EYS: variants seen among roughly 807,000 people sequenced by gnomAD.
EYS encodes protein eyes shut homolog.
In EYS, 250 loss-of-function variants were observed where a neutral mutation model predicts 282.1. The ratio of observed to expected loss-of-function variants is 0.89; its 90% CI spans 0.80 to 0.98. EYS has a LOEUF of 0.98. EYS is among the 50% of genes least tolerant of loss of function. The pLI, the probability that EYS is intolerant of heterozygous loss-of-function variation, is 0.00. For synonymous variants in EYS, 1,355 were observed against 1,282.9 expected (o/e 1.06, Z -1.20); for missense variants, 4,016 against 3,709.0 (o/e 1.08, Z -2.15).
chr6:64,357,299 CA>C (rs1312829114), intron 29 of EYS, among the ~76,000 whole-genome samples: 1 of 145,680 alleles, frequency 6.9e-6, no homozygotes, highest in Non-Finnish European at 1.5e-5. Flanking sequence ...TAAACAATAA[CA>C]ACAACTGTGT....
intron 29 of EYS, among the ~76,000 whole-genome samples, chr6:64,376,014 C>A (rs610848): frequency 0.72 from 109,065 of 151,992 alleles, 39,325 homozygotes; most frequent in African/African-American, 0.79. Flanking sequence ...CCTGCTATTC[C>A]ATAAAAAAAT....
chr6:64,718,899 C>T (rs1312179029), intron 22 of EYS, among the ~76,000 whole-genome samples: 8 of 152,134 alleles, frequency 5.3e-5, no homozygotes, highest in African/African-American at 1.4e-4. Context: ...TTGTGTTACA[C>T]GGAAAAGTGG....
At chr6:64,923,403 G>C (rs895302710) in intron 15 of EYS, among the ~76,000 whole-genome samples, 1 of 152,094 alleles carries the variant, frequency 6.6e-6, no homozygotes, top group African/African-American at 2.4e-5. Context: ...TGGGAATTCT[G>C]GGATATACAA....
intron 8 of EYS, among the ~76,000 whole-genome samples, chr6:65,361,200 G>A (rs1437113897): frequency 4.6e-5 from 7 of 151,952 alleles, no homozygotes; most frequent in African/African-American, 1.2e-4. Context: ...ATCACACACC[G>A]GGGCCTGTTG....
intron 12 of EYS, among the ~76,000 whole-genome samples, chr6:65,243,889 A>G (rs1417118339): frequency 6.6e-6 from 1 of 152,174 alleles, no homozygotes; most frequent in African/African-American, 2.4e-5. Context: ...AGCCTAGGTG[A>G]CTAAGAATCT....
At chr6:65,292,339 G>A (rs778530088) in intron 12 of EYS, among the ~76,000 whole-genome samples, 23 of 151,802 alleles carry the variant, frequency 1.5e-4, no homozygotes, top group Admixed American at 1.1e-3. Flanking sequence ...GGTCTTAACA[G>A]AATTGGTGAT....
chr6:64,890,379 TA>T (rs1319660525), intron 18 of EYS, among the ~76,000 whole-genome samples: 1 of 152,132 alleles, frequency 6.6e-6, no homozygotes, highest in Non-Finnish European at 1.5e-5. Flanking sequence ...AAATCCCTAA[TA>T]AAAACTTGCT....
intron 41 of EYS, among the ~76,000 whole-genome samples, chr6:63,737,300 G>A (rs1352811753): frequency 2.6e-5 from 4 of 151,190 alleles, no homozygotes; most frequent in Non-Finnish European, 5.9e-5. Flanking sequence ...AGCATGAAGT[G>A]TTGTTGAATT....
intron 5 of EYS, among the ~76,000 whole-genome samples, chr6:65,434,634 T>G (rs1768007750): frequency 6.6e-6 from 1 of 152,096 alleles, no homozygotes; most frequent in Non-Finnish European, 1.5e-5. Flanking sequence ...AATTTTTAAA[T>G]AAGGAAAATT....
intron 22 of EYS, among the ~76,000 whole-genome samples, chr6:64,629,142 C>T (rs774718732): frequency 6.6e-6 from 1 of 152,016 alleles, no homozygotes; most frequent in Non-Finnish European, 1.5e-5. Flanking sequence ...TTGATGACTT[C>T]GACTGTTTTG....
intron 26 of EYS, among the ~76,000 whole-genome samples, chr6:64,449,912 G>T (rs963884651): frequency 2.6e-5 from 4 of 152,098 alleles, no homozygotes; most frequent in Non-Finnish European, 4.4e-5. Context: ...ATGCCAAATT[G>T]TAAAGACCGT....
chr6:64,524,139 A>C (rs1777843908), intron 26 of EYS, among the ~76,000 whole-genome samples: 1 of 151,722 alleles, frequency 6.6e-6, no homozygotes, highest in Admixed American at 6.6e-5. Context: ...ATCTTCTTTC[A>C]ATTTGTAGAT....
intron 26 of EYS, among the ~76,000 whole-genome samples, chr6:64,585,273 C>T (rs1766200512): frequency 6.6e-6 from 1 of 151,966 alleles, no homozygotes. Flanking sequence ...ACAGTGAGTA[C>T]CTATGGACAT....
intron 1 of EYS, among the ~76,000 whole-genome samples, chr6:65,702,509 C>A (rs1002008828): frequency 2.6e-5 from 4 of 151,944 alleles, no homozygotes; most frequent in African/African-American, 9.7e-5. Context: ...CTAGCCAACA[C>A]GGTGAAAGCT....
At chr6:63,922,655 T>G (rs1764605972) in intron 35 of EYS, among the ~76,000 whole-genome samples, 1 of 152,158 alleles carries the variant, frequency 6.6e-6, no homozygotes, top group Non-Finnish European at 1.5e-5. Flanking sequence ...AAAATAAAAA[T>G]GTAACTTCTC....
intron 12 of EYS, among the ~76,000 whole-genome samples, chr6:65,182,433 T>G (rs1319657764): frequency 6.6e-6 from 1 of 151,616 alleles, no homozygotes; most frequent in Non-Finnish European, 1.5e-5. Flanking sequence ...TAGTATATTT[T>G]TCTTAATGGT....
At chr6:63,733,848 T>C (rs1481029669) in intron 41 of EYS, among the ~76,000 whole-genome samples, 1 of 152,064 alleles carries the variant, frequency 6.6e-6, no homozygotes, top group African/African-American at 2.4e-5. Flanking sequence ...GAAGACAGTA[T>C]CTCCATCTTA....
chr6:65,080,825 A>T (rs544296636), intron 12 of EYS, among the ~76,000 whole-genome samples: 50 of 152,274 alleles, frequency 3.3e-4, no homozygotes, highest in African/African-American at 1.1e-3. Context: ...ATTTTCTAAT[A>T]TTTCATAAGC....
rs983844822 is a variant in EYS at position 64,770,089 on chromosome 6, T to C, written c.3443+43289A>G. On this transcript the variant is annotated intron_variant, in intron 22 of 42. Coordinates refer to ENST00000503581, the MANE Select transcript of EYS (RefSeq NM_001142800.2). ...ACAACAGAAATTGCTTGTCTCTCAA[T>C]CTTTGTTTTACTGCTTAGTAGATTC... 1.3e-4 allele frequency among the ~76,000 whole-genome samples: 20 copies of C among 151,942 alleles called. 1 individual carries two copies. Among genetic ancestry groups the C allele is most frequent in the Admixed American group, 7.2e-4 (11 of 15,210 alleles).
Sources: allele counts gnomAD v4.1 joint callset (sites outside exome capture counted in the v4.1 genomes callset), GRCh38; gene constraint gnomAD v4.1.1; transcripts MANE v1.5; gene names NCBI Gene and HGNC (gene_info 2026-07-23, HGNC 2026-07-21).